The following IL2RB variants were observed in gnomAD, a reference collection of about 807,000 sequenced individuals.
IL2RB encodes interleukin-2 receptor subunit beta.
A neutral mutation model predicts 44.2 loss-of-function variants in IL2RB; 17 were observed. The ratio of observed to expected loss-of-function variants is 0.38; its 90% CI spans 0.26 to 0.58. The LOEUF (loss-of-function observed/expected upper bound fraction) is 0.58, where lower values mean the gene tolerates loss of function less well. Among genes scored for constraint, IL2RB ranks in the 20% least tolerant of loss-of-function variants. The pLI, the probability that IL2RB is intolerant of heterozygous loss-of-function variation, is 0.63. For synonymous variants in IL2RB, 286 were observed against 297.9 expected (o/e 0.96, Z 0.41); for missense variants, 624 against 685.5 (o/e 0.91, Z 1.00).
chr22:37,156,787 C>T (rs1381847628), intron 1 of IL2RB, among the ~76,000 whole-genome samples: 2 of 152,220 alleles, frequency 1.3e-5, no homozygotes, highest in Admixed American at 1.3e-4. Flanking sequence ...GTGCCATTCA[C>T]TGTCTCTGCC....
At chr22:37,158,995 G>A (rs1922770569) in intron 1 of IL2RB, among the ~76,000 whole-genome samples, 1 of 152,266 alleles carries the variant, frequency 6.6e-6, no homozygotes, top group Non-Finnish European at 1.5e-5. Flanking sequence ...AGCCAGGCCA[G>A]TGTCCTGTGA....
At chr22:37,144,226 G>A in intron 1 of IL2RB, 21 bp from the exon 2 acceptor site, 1 of 1,531,058 alleles carries the variant, frequency 6.5e-7, no homozygotes, top group Non-Finnish European at 8.8e-7. Context: ...AGGAGAAAGA[G>A]AGAGCACACG....
At chr22:37,131,064 G>T (rs1223410281) in intron 9 of IL2RB, among the ~76,000 whole-genome samples, 1 of 152,248 alleles carries the variant, frequency 6.6e-6, no homozygotes, top group Non-Finnish European at 1.5e-5. Flanking sequence ...CTACTCGGGA[G>T]ACTGAGGCAG....
chr22:37,135,043 C>G (rs1198611030), intron 8 of IL2RB, among the ~76,000 whole-genome samples: 4 of 152,260 alleles, frequency 2.6e-5, no homozygotes, highest in African/African-American at 9.6e-5. Flanking sequence ...GAGGGCTGCA[C>G]CTCCCACCTT....
chr22:37,174,068 G>A (rs1386770465), intron 1 of IL2RB, among the ~76,000 whole-genome samples: 2 of 152,206 alleles, frequency 1.3e-5, no homozygotes, highest in East Asian at 1.9e-4. Flanking sequence ...CTCCAGCCCA[G>A]CCCCTCAGGG....
chr22:37,159,627 T>G (rs1365113412), intron 1 of IL2RB, among the ~76,000 whole-genome samples: 1 of 152,174 alleles, frequency 6.6e-6, no homozygotes, highest in Non-Finnish European at 1.5e-5. Flanking sequence ...TTCAAGAATC[T>G]AAACAAGGTG....
In IL2RB at chr22:37,142,523, A is replaced by G; in HGVS notation, c.204-11T>C. ...GTTTGGTTCCACCGCCTTTCATGGC[A>G]AAAGACCCTCTTTAGAAGAACAGGA... On this transcript the variant is annotated splice_polypyrimidine_tract_variant and intron_variant, in intron 3 of 9. Transcript: ENST00000216223. 6.2e-7 allele frequency: 1 copy of G among 1,613,860 alleles called. No homozygotes were observed. The highest frequency in any genetic ancestry group is 8.5e-7 in the Non-Finnish European group (1 of 1,179,722).
rs371167679 is a variant in IL2RB, at chr22:37,128,404, C to T, written c.1348G>A (p.Ala450Thr). The T allele has an allele frequency of 1.4e-4, 216 of 1,511,952 alleles. No homozygotes were observed. Among genetic ancestry groups the T allele is most frequent in the Non-Finnish European group, 1.8e-4 (208 of 1,131,214 alleles). The allele number at this position is 1,511,952 out of a possible 1,614,324, so 93.7% of individuals were successfully genotyped here. A position where few individuals can be genotyped will look rare whatever the true frequency, so the allele number is the denominator to read the frequency against. The change falls in exon 10 of 10, where the codon GCC (alanine) becomes ACC (threonine). Residue 450 changes from alanine to threonine, a missense_variant. Ala to Thr is a moderately conservative substitution (Grantham distance 58, BLOSUM62 0). Coordinates refer to ENST00000216223, the MANE Select transcript of IL2RB (RefSeq NM_000878.5). This position sits in a 1 kb window ranked among gnomAD's most constrained non-coding sequence, Gnocchi z 4.5. The stretch of plus-strand genomic sequence containing the variant: ...GAAGGGGGCATCCTCTCTTCACCGG[C>T]CCCACTGCCCCCAGGGGCAGTGCTT... ...PPSTAPGGSG[A>T]GEERMPPSLQ... is the part of the protein sequence containing the mutation.
intron 1 of IL2RB, among the ~76,000 whole-genome samples, chr22:37,146,451 C>T (rs953465608): frequency 1.3e-5 from 2 of 152,194 alleles, no homozygotes; most frequent in Non-Finnish European, 2.9e-5. Context: ...CCGCACCTAC[C>T]TGCCTGCACA....
chr22:37,154,790 G>A (rs1276561001), upstream of IL2RB, among the ~76,000 whole-genome samples: 3 of 152,018 alleles, frequency 2.0e-5, no homozygotes, highest in African/African-American at 4.8e-5. Flanking sequence ...TGGCCAGGAC[G>A]GTCTCGATCT....
chr22:37,148,891 T>G (rs228979), intron 1 of IL2RB, among the ~76,000 whole-genome samples: 120,165 of 151,976 alleles, frequency 0.79, 48,086 homozygotes, highest in African/African-American at 0.93. Flanking sequence ...AGCCCATGGT[T>G]CATCCAACTT....
At position 37,137,508 on chromosome 22, in the gene IL2RB, C is replaced by T. The variant is rs147227261; in HGVS notation, c.537+79G>A. The T allele has an allele frequency of 2.3e-4, 350 of 1,497,134 alleles. 1 individual carries two copies. Among genetic ancestry groups the T allele is most frequent in the African/African-American group, 2.3e-3 (166 of 72,674 alleles). 92.7% of individuals were successfully genotyped at this position (1,497,134 alleles called of 1,614,324 possible). A position where few individuals can be genotyped will look rare whatever the true frequency, so the allele number is the denominator to read the frequency against. ...CCACCTGGGGCTGAGGGGACCTCGA[C>T]ACAATGAAAAAGGGACAGGACATGG... is the stretch of plus-strand genomic sequence containing the variant. On this transcript the variant is annotated intron_variant, in intron 6 of 9. Coordinates refer to ENST00000216223, the MANE Select transcript of IL2RB (RefSeq NM_000878.5).
At chr22:37,136,132 A>G (rs2281089) in intron 7 of IL2RB, 96 bp downstream of exon 7, 212,625 of 1,336,660 alleles carry the variant, frequency 0.16, 18,339 homozygotes, top group South Asian at 0.27. Flanking sequence ...GCTGACTGCT[A>G]TACCCTCACC....
intron 1 of IL2RB, among the ~76,000 whole-genome samples, chr22:37,165,635 C>T (rs1365168705): frequency 6.6e-6 from 1 of 152,166 alleles, no homozygotes; most frequent in African/African-American, 2.4e-5. Context: ...TCCTGGGCAG[C>T]TGCCTCTTCA....
chr22:37,140,995 G>T (rs921937052), intron 4 of IL2RB, among the ~76,000 whole-genome samples: 4 of 152,154 alleles, frequency 2.6e-5, no homozygotes, highest in African/African-American at 9.7e-5. Flanking sequence ...CGGAGTGGCC[G>T]CTGCTAAAAC....
rs1369229679 is a variant in IL2RB at position 37,142,520 on chromosome 22, G to A, written c.204-8C>T. The A allele has an allele frequency of 1.2e-6, 2 of 1,613,868 alleles. No individual in the cohort carries two copies. The highest frequency in any genetic ancestry group is 1.7e-6 in the Non-Finnish European group (2 of 1,179,754). On this transcript the variant is annotated splice_region_variant and splice_polypyrimidine_tract_variant and intron_variant, in intron 3 of 9. Transcript: ENST00000216223. ...CAGGTTTGGTTCCACCGCCTTTCAT[G>A]GCAAAAGACCCTCTTTAGAAGAACA... is the stretch of plus-strand genomic sequence containing the variant.
At chr22:37,136,149 A>C in intron 7 of IL2RB, 79 bp downstream of exon 7, 2 of 1,440,716 alleles carry the variant, frequency 1.4e-6, no homozygotes, top group South Asian at 2.5e-5. Context: ...CACCCCAGGC[A>C]GGGAGAGAAT....
At chr22:37,165,491 T>C (rs1923037519) in intron 1 of IL2RB, among the ~76,000 whole-genome samples, 1 of 152,092 alleles carries the variant, frequency 6.6e-6, no homozygotes, top group African/African-American at 2.4e-5. Context: ...CTGGGAGTTA[T>C]AGCAGCCACA....
rs111730897 is a variant in IL2RB, at chr22:37,142,482, G to A, written c.234C>T (p.Pro78=). ...RRWNQTCELL[P]VSQASWACNL... ...TGCAGGCCCAGGATGCTTGACTCAC[G>A]GGGAGCAGCTCACAGGTTTGGTTCC... is the stretch of plus-strand genomic sequence containing the variant. The change falls in exon 4 of 10, where the codon CCC becomes CCT. Residue 78 remains proline (P), a synonymous_variant. Transcript: ENST00000216223. 6.7e-4 allele frequency: 1,087 copies of A among 1,614,130 alleles called. No homozygotes were observed. The highest frequency in any genetic ancestry group is 2.1e-3 in the Middle Eastern group (13 of 6,062).
Sources: gnomAD v4.1 joint callset for allele counts (sites outside exome capture counted in the v4.1 genomes callset) on GRCh38, gnomAD v4.1.1 for gene constraint, Gnocchi (gnomAD v3.1) non-coding constraint, MANE v1.5 for transcripts, NCBI Gene and HGNC (gene_info 2026-07-23, HGNC 2026-07-21) for gene names.